Variants in CPAMD8 observed in about 807,000 individuals in gnomAD.
CPAMD8 encodes C3 and PZP-like alpha-2-macroglobulin domain-containing protein 8.
In CPAMD8, 146 loss-of-function variants were observed where a neutral mutation model predicts 224.7. The ratio of observed to expected loss-of-function variants is 0.65; its 90% CI spans 0.57 to 0.75. The LOEUF is 0.75. CPAMD8 is among the 30% of genes least tolerant of loss of function. The pLI is 0.00. For synonymous variants in CPAMD8, 966 were observed against 1,044.6 expected (o/e 0.92, Z 1.45); for missense variants, 2,301 against 2,537.5 (o/e 0.91, Z 2.00).
chr19:16,906,051 C>T (rs1448191166), intron 30 of CPAMD8, among the ~76,000 whole-genome samples: 5 of 152,090 alleles, frequency 3.3e-5, no homozygotes, highest in East Asian at 1.9e-4. Context: ...GCGGGGGATG[C>T]GTTCTCTGCT....
rs1348095757 is a variant in CPAMD8 at position 16,906,348 on chromosome 19, TTCTTTCTTTCTTTCTTTC to T, written c.4027+586_4027+603del. On this transcript the variant is annotated intron_variant, in intron 30 of 41. Transcript: ENST00000443236. Reference sequence around the variant, plus strand: ...TCCTTCCTTCTTTCCCTTTCTTTCTTTCTTTCTTTCTTTCTTTCTTTCTTTCTTTCTTTCTTTCTTTCT... The same window carrying T: ...TCCTTCCTTCTTTCCCTTTCTTTCTTTTTCTTTCTTTCTTTCTTTCTTTCT... Among the ~76,000 whole-genome samples the T allele has an allele frequency of 2.2e-4, 8 of 35,836 alleles. 1 individual carries two copies. In the South Asian group the frequency reaches 6.9e-3, roughly 31 times the overall value. 23.5% of individuals were successfully genotyped at this position (35,836 alleles called of 152,430 possible).
chr19:17,004,435 G>T, intron 7 of CPAMD8, 49 bp from the exon 8 acceptor site: 1 of 1,243,906 alleles, frequency 8.0e-7, no homozygotes, highest in Non-Finnish European at 1.2e-6. Context: ...CACAGACACG[G>T]TGAGGTACGG....
intron 13 of CPAMD8, among the ~76,000 whole-genome samples, chr19:16,984,074 T>C (rs1032667744): frequency 6.6e-6 from 1 of 151,948 alleles, no homozygotes; most frequent in Non-Finnish European, 1.5e-5. Context: ...TGATTTGAAA[T>C]AAGGGTGCCA....
At chr19:17,011,344 C>T in intron 5 of CPAMD8, 120 bp downstream of exon 5, 1 of 1,171,084 alleles carries the variant, frequency 8.5e-7, no homozygotes, top group South Asian at 1.4e-5. Context: ...CATGAAACAA[C>T]CATGAAAGAA....
chr19:16,991,238 C>G (rs970478259), intron 12 of CPAMD8, among the ~76,000 whole-genome samples: 22 of 152,144 alleles, frequency 1.4e-4, no homozygotes, highest in African/African-American at 4.8e-4. Context: ...AGACCTCACC[C>G]TATGCATCTC....
chr19:16,990,104 A>C (rs1568570430), intron 12 of CPAMD8, among the ~76,000 whole-genome samples: 2 of 151,872 alleles, frequency 1.3e-5, no homozygotes, highest in South Asian at 4.2e-4. Flanking sequence ...AAATACAAAA[A>C]TTAGCCAGGA....
At chr19:17,012,318 C>A (rs1381904795) in intron 3 of CPAMD8, among the ~76,000 whole-genome samples, 1 of 150,124 alleles carries the variant, frequency 6.7e-6, no homozygotes, top group Non-Finnish European at 1.5e-5. Flanking sequence ...TGCACCCGGC[C>A]ATATCTTTTT....
intron 22 of CPAMD8, among the ~76,000 whole-genome samples, chr19:16,939,175 TTATTTATTTATTTATCTATCTATCTATG>T (rs1345711930): frequency 2.4e-5 from 2 of 82,234 alleles, no homozygotes; most frequent in South Asian, 3.7e-4. Context: ...ATTTATTTAT[TTATTTATTTATTTATCTATCTATCTATG>T]TATCTATCTA....
intron 18 of CPAMD8, among the ~76,000 whole-genome samples, chr19:16,961,466 G>C (rs1317370635): frequency 6.6e-6 from 1 of 152,258 alleles, no homozygotes; most frequent in Non-Finnish European, 1.5e-5. Context: ...TGGGGGAGGG[G>C]TGCCCACCAT....
intron 36 of CPAMD8, among the ~76,000 whole-genome samples, chr19:16,900,464 G>A (rs1474499370): frequency 6.6e-6 from 1 of 151,680 alleles, no homozygotes; most frequent in East Asian, 1.9e-4. Context: ...TGGGCGTGGT[G>A]GTGCATGCCT....
intron 25 of CPAMD8, among the ~76,000 whole-genome samples, chr19:16,926,305 T>C (rs2053356856): frequency 7.5e-6 from 1 of 133,664 alleles, no homozygotes; most frequent in Admixed American, 7.1e-5. Context: ...TCTTTCCTTC[T>C]TTATTTTATT....
At chr19:16,947,040 A>AG (rs760877254) in intron 21 of CPAMD8, 34 bp downstream of exon 21, 8 of 1,555,344 alleles carry the variant, frequency 5.1e-6, no homozygotes, top group South Asian at 1.2e-5. Flanking sequence ...TGGCCTGGAG[A>AG]GGGGGGACAC....
At chr19:16,907,901 CT>C (rs1476269885) in intron 29 of CPAMD8, among the ~76,000 whole-genome samples, 1 of 152,190 alleles carries the variant, frequency 6.6e-6, no homozygotes, top group Non-Finnish European at 1.5e-5. Context: ...GCCACTGCCC[CT>C]GGCTCCCATT....
At chr19:16,954,489 T>C (rs1367248338) in intron 19 of CPAMD8, among the ~76,000 whole-genome samples, 2 of 151,988 alleles carry the variant, frequency 1.3e-5, no homozygotes, top group Non-Finnish European at 2.9e-5. Flanking sequence ...AAACATAAAA[T>C]TACCACATGA....
chr19:16,976,295 G>A, intron 15 of CPAMD8, 144 bp from the exon 16 acceptor site: 1 of 557,918 alleles, frequency 1.8e-6, no homozygotes, highest in Non-Finnish European at 3.1e-6. Context: ...GGCCAACATG[G>A]TGAAACCCCA....
intron 13 of CPAMD8, among the ~76,000 whole-genome samples, chr19:16,985,341 G>GTGGA (rs1599847685): frequency 8.8e-5 from 7 of 79,584 alleles, no homozygotes; most frequent in African/African-American, 8.0e-4. Flanking sequence ...TGGATGAAGG[G>GTGGA]CGGATGGATG....
At chr19:16,906,402 CT>C (rs1568459834) in intron 30 of CPAMD8, among the ~76,000 whole-genome samples, 168 of 94,126 alleles carry the variant, frequency 1.8e-3, no homozygotes, top group African/African-American at 4.5e-3. Flanking sequence ...TTCTTTCTTT[CT>C]TTCTTTCCTT....
chr19:16,902,591 C>T, intron 35 of CPAMD8, 58 bp downstream of exon 35: 5 of 1,100,148 alleles, frequency 4.5e-6, no homozygotes, highest in Non-Finnish European at 5.4e-6. Flanking sequence ...AGGAGGCCAT[C>T]CTCTCCGCAC....
At chr19:16,976,194 G>C in intron 15 of CPAMD8, 43 bp from the exon 16 acceptor site, 1 of 1,556,018 alleles carries the variant, frequency 6.4e-7, no homozygotes. Context: ...TGGTTCAGTT[G>C]GCTGTGAGTG....
Sources: allele counts gnomAD v4.1 joint callset (sites outside exome capture counted in the v4.1 genomes callset), GRCh38; gene constraint gnomAD v4.1.1; transcripts MANE v1.5; gene names NCBI Gene and HGNC (gene_info 2026-07-23, HGNC 2026-07-21).